LRBA: variants seen among roughly 807,000 people sequenced by gnomAD.
The protein encoded by LRBA is lipopolysaccharide-responsive and beige-like anchor protein.
LRBA carries 176 observed loss-of-function variants against 330.0 expected under a neutral mutation model. That is an observed-to-expected ratio of 0.53 (90% CI 0.47 to 0.60). LRBA has a LOEUF of 0.60. LRBA is among the 20% of genes least tolerant of loss of function. The pLI, the probability that LRBA is intolerant of heterozygous loss-of-function variation, is 0.00. For missense variants in LRBA, 3,259 were observed against 3,444.8 expected (o/e 0.95, Z 1.35); for synonymous variants, 1,230 against 1,193.0 (o/e 1.03, Z -0.64).
At chr4:150,618,867 TATATACAC>T (rs2069383599) in intron 37 of LRBA, among the ~76,000 whole-genome samples, 1 of 141,636 alleles carries the variant, frequency 7.1e-6, no homozygotes. Context: ...TATATATATA[TATATACAC>T]ACATACACAC....
At chr4:151,014,337 G>T in intron 2 of LRBA, 90 bp downstream of exon 2, 1 of 1,018,808 alleles carries the variant, frequency 9.8e-7, no homozygotes, top group Non-Finnish European at 1.5e-6. Context: ...GTCACCATCA[G>T]TGTGAGTAAA....
At chr4:150,684,208 T>C (rs561118805) in intron 36 of LRBA, among the ~76,000 whole-genome samples, 3 of 152,336 alleles carry the variant, frequency 2.0e-5, no homozygotes, top group South Asian at 2.1e-4. Context: ...AATGATCATA[T>C]AGCTGCTATT....
Position 150,908,743 on chromosome 4 carries a change from T to G in LRBA, c.1276A>C (p.Thr426Pro). ...GATTCAAGACAAAGCTGGGCATCTG[T>G]AGCCCGTGGATTGTACGTGAATGCA... ...AIAFTYNPRA[T>P]DAQLCLESSP... The change falls in exon 10 of 57, where the codon ACA becomes CCA. Residue 426 changes from threonine to proline, a missense_variant. Physicochemically the swap from Thr to Pro is conservative, Grantham distance 38. Coordinates refer to ENST00000651943, the MANE Select transcript of LRBA (RefSeq NM_001364905.1). The G allele has an allele frequency of 6.2e-7, 1 of 1,613,918 alleles. No homozygotes were observed. Among genetic ancestry groups the G allele is most frequent in the Non-Finnish European group, 8.5e-7 (1 of 1,179,810 alleles).
intron 53 of LRBA, among the ~76,000 whole-genome samples, chr4:150,286,843 A>G (rs1041202875): frequency 6.6e-6 from 1 of 152,240 alleles, no homozygotes; most frequent in Non-Finnish European, 1.5e-5. Flanking sequence ...TAAGGAACCC[A>G]TCATGACTAA....
intron 23 of LRBA, 80 bp downstream of exon 23, chr4:150,851,805 A>G: frequency 2.9e-6 from 4 of 1,365,456 alleles, no homozygotes; most frequent in Non-Finnish European, 3.8e-6. Context: ...AATTCAAAAT[A>G]AAATAAAATT....
chr4:150,479,979 T>C (rs1199591234), intron 42 of LRBA, among the ~76,000 whole-genome samples: 1 of 152,134 alleles, frequency 6.6e-6, no homozygotes, highest in Non-Finnish European at 1.5e-5. Flanking sequence ...TACTTAAAAT[T>C]TAAAAATAAA....
At chr4:150,838,520 T>C (rs945519277) in intron 28 of LRBA, among the ~76,000 whole-genome samples, 2 of 152,200 alleles carry the variant, frequency 1.3e-5, no homozygotes, top group African/African-American at 4.8e-5. Flanking sequence ...AAACTTCTCT[T>C]CTCACTTCAT....
At chr4:150,637,845 AAAT>A (rs974192829) in intron 37 of LRBA, among the ~76,000 whole-genome samples, 2 of 152,192 alleles carry the variant, frequency 1.3e-5, no homozygotes, top group African/African-American at 4.8e-5. Context: ...TTGCACTATG[AAAT>A]AATAAGTGCA....
intron 44 of LRBA, among the ~76,000 whole-genome samples, chr4:150,447,823 C>G (rs1752803009): frequency 6.6e-6 from 1 of 152,166 alleles, no homozygotes; most frequent in African/African-American, 2.4e-5. Flanking sequence ...CTACCTCATT[C>G]TGGTAATAGA....
At chr4:150,532,803 T>C (rs1764187262) in intron 40 of LRBA, among the ~76,000 whole-genome samples, 1 of 151,964 alleles carries the variant, frequency 6.6e-6, no homozygotes, top group African/African-American at 2.4e-5. Context: ...ACTAGAGTTT[T>C]CAAAAGAAAA....
chr4:150,674,819 G>A (rs2126880760), intron 37 of LRBA, among the ~76,000 whole-genome samples: 1 of 152,292 alleles, frequency 6.6e-6, no homozygotes, highest in African/African-American at 2.4e-5. Context: ...GGGCTTCAGT[G>A]AGCCATGTTT....
At chr4:150,468,546 T>TA (rs1406449844) in intron 43 of LRBA, among the ~76,000 whole-genome samples, 1 of 152,042 alleles carries the variant, frequency 6.6e-6, no homozygotes, top group Non-Finnish European at 1.5e-5. Flanking sequence ...GGAGGTAGCA[T>TA]AGTGGGTGAG....
At chr4:150,422,915 G>A in intron 46 of LRBA, 1 of 811,846 alleles carries the variant, frequency 1.2e-6, no homozygotes, top group Non-Finnish European at 2.2e-6. Flanking sequence ...GAAAGGGGAT[G>A]GATGCCAGCT....
chr4:150,322,818 A>C (rs1343959748), intron 49 of LRBA, among the ~76,000 whole-genome samples: 1 of 152,160 alleles, frequency 6.6e-6, no homozygotes, highest in African/African-American at 2.4e-5. Flanking sequence ...ATGTGGCCTC[A>C]ATTAAGTCCA....
Position 150,867,805 on chromosome 4 carries a change from G to A in LRBA, c.2632C>T (p.Pro878Ser). 1 of 1,613,548 alleles carries A rather than the reference G, an allele frequency of 6.2e-7. No homozygotes were observed. Residue 878 changes from proline (P) to serine (S), a missense_variant, in exon 22 of 57, where the codon CCT (proline) becomes TCT (serine). Coordinates refer to ENST00000651943, the MANE Select transcript of LRBA (RefSeq NM_001364905.1). ...EWMLSLCYFN[P>S]KNSDEQKITE... ...ATCTTTTGCTCATCTGAATTCTTAG[G>A]ATTAAAATAGCAGAGAGAAAGCATC...
chr4:150,895,610 A>G (rs1463934432), intron 16 of LRBA, among the ~76,000 whole-genome samples: 1 of 152,210 alleles, frequency 6.6e-6, no homozygotes, highest in Admixed American at 6.5e-5. Context: ...AAAGGACATG[A>G]ACTCATCCTT....
chr4:150,277,129 A>T (rs1388606596), intron 56 of LRBA, among the ~76,000 whole-genome samples: 2 of 152,224 alleles, frequency 1.3e-5, no homozygotes, highest in African/African-American at 4.8e-5. Context: ...TTGCAGGGAC[A>T]TGGATGAAGC....
At chr4:150,487,680 T>G in intron 42 of LRBA, 52 bp downstream of exon 42, 1 of 960,808 alleles carries the variant, frequency 1.0e-6, no homozygotes, top group Non-Finnish European at 1.6e-6. Flanking sequence ...GGTTAATTAT[T>G]ATAACTATTA....
intron 37 of LRBA, among the ~76,000 whole-genome samples, chr4:150,601,514 T>C (rs1334079774): frequency 6.6e-6 from 1 of 152,112 alleles, no homozygotes. Context: ...CGATAATATT[T>C]ATTTTTATAC....
Sources: gnomAD v4.1 joint callset for allele counts (sites outside exome capture counted in the v4.1 genomes callset) on GRCh38, gnomAD v4.1.1 for gene constraint, MANE v1.5 for transcripts, NCBI Gene and HGNC (gene_info 2026-07-23, HGNC 2026-07-21) for gene names.